The following CCDC141 variants were observed in gnomAD, a reference collection of about 807,000 sequenced individuals.
CCDC141 encodes coiled-coil domain containing 141, also known as coiled-coil domain-containing protein 141.
A neutral mutation model predicts 181.0 loss-of-function variants in CCDC141; 168 were observed. That is an observed-to-expected ratio of 0.93 (90% confidence interval 0.82 to 1.05). The LOEUF (loss-of-function observed/expected upper bound fraction) is 1.05, where lower values mean the gene tolerates loss of function less well. CCDC141 is among the 50% of genes least tolerant of loss of function. The pLI is 0.00. For missense variants in CCDC141, 1,902 were observed against 1,788.5 expected (o/e 1.06, Z -1.14); for synonymous variants, 666 against 642.3 (o/e 1.04, Z -0.56).
intron 5 of CCDC141, among the ~76,000 whole-genome samples, chr2:178,946,942 G>A (rs1347482966): frequency 2.6e-5 from 4 of 152,100 alleles, no homozygotes; most frequent in Admixed American, 6.5e-5. Context: ...GATGCACCCT[G>A]GAAAGAAACA....
chr2:179,037,817 G>A (rs1681505016), intron 2 of CCDC141, among the ~76,000 whole-genome samples: 1 of 152,140 alleles, frequency 6.6e-6, no homozygotes, highest in Non-Finnish European at 1.5e-5. Flanking sequence ...ACACCTAATA[G>A]GATGGCTATG....
intron 6 of CCDC141, 60 bp from the exon 7 acceptor site, chr2:178,918,967 GT>G (rs1688571821): frequency 7.0e-7 from 1 of 1,432,334 alleles, no homozygotes; most frequent in African/African-American, 1.4e-5. Context: ...GAATGCTTGT[GT>G]CCCCCCGAAA....
chr2:178,872,805 T>G, intron 12 of CCDC141, among the ~76,000 whole-genome samples: 1 of 152,202 alleles, frequency 6.6e-6, no homozygotes, highest in Non-Finnish European at 1.5e-5. Flanking sequence ...AAATGTCCTT[T>G]GCTGTTTCTC....
At chr2:178,867,893 C>CA in intron 16 of CCDC141, 133 bp downstream of exon 16, 1 of 695,800 alleles carries the variant, frequency 1.4e-6, no homozygotes, top group South Asian at 3.9e-5. Context: ...AAATGAATCA[C>CA]AAATAACTAC....
chr2:179,010,983 C>A (rs2042253388), intron 2 of CCDC141, among the ~76,000 whole-genome samples: 2 of 151,966 alleles, frequency 1.3e-5, no homozygotes, highest in African/African-American at 4.8e-5. Context: ...ATGGTGAAAC[C>A]CTGACTCTAC....
At chr2:179,042,027 G>A (rs760160374) in intron 2 of CCDC141, among the ~76,000 whole-genome samples, 1 of 151,930 alleles carries the variant, frequency 6.6e-6, no homozygotes, top group Non-Finnish European at 1.5e-5. Flanking sequence ...AAAGATATTC[G>A]GCTCAGATCC....
chr2:178,958,675 A>T (rs949751324), intron 5 of CCDC141, among the ~76,000 whole-genome samples: 1 of 149,510 alleles, frequency 6.7e-6, no homozygotes, highest in Non-Finnish European at 1.5e-5. Flanking sequence ...TAGAATGTTC[A>T]CTTTGAATCT....
chr2:178,971,159 G>A (rs1279739851), intron 4 of CCDC141, among the ~76,000 whole-genome samples: 3 of 152,100 alleles, frequency 2.0e-5, no homozygotes, highest in Admixed American at 2.0e-4. Flanking sequence ...AGTGATCTGA[G>A]ATTGCACCAC....
intron 4 of CCDC141, among the ~76,000 whole-genome samples, chr2:178,968,367 C>T (rs371686962): frequency 5.0e-4 from 76 of 152,164 alleles, no homozygotes; most frequent in East Asian, 3.1e-3. Flanking sequence ...TGCAAAAGAA[C>T]GGAAATCATA....
At chr2:178,928,174 A>C (rs1688978198) in intron 6 of CCDC141, among the ~76,000 whole-genome samples, 2 of 152,212 alleles carry the variant, frequency 1.3e-5, no homozygotes, top group Non-Finnish European at 2.9e-5. Context: ...GCTGAGTAGC[A>C]CAAGGACAGA....
intron 5 of CCDC141, among the ~76,000 whole-genome samples, chr2:178,954,505 A>G (rs1404290964): frequency 6.6e-6 from 1 of 152,228 alleles, no homozygotes; most frequent in Non-Finnish European, 1.5e-5. Flanking sequence ...GTGAATCCTA[A>G]GTCCCCATCA....
intron 19 of CCDC141, among the ~76,000 whole-genome samples, chr2:178,854,686 T>C (rs2154367488): frequency 6.6e-6 from 1 of 152,334 alleles, no homozygotes. Context: ...TGTAGAAGAC[T>C]GATCATTTTG....
rs371344310 is a variant in CCDC141 at position 178,867,982 on chromosome 2, C to T, written c.2574+44G>A. ...TTTCTTTCATATGCTAGCCCAAGCC[C>T]CAGCTAGAACTGAGTCTAAATGATA... On this transcript the variant is annotated intron_variant, in intron 16 of 23. Coordinates refer to ENST00000443758, the MANE Select transcript of CCDC141 (RefSeq NM_173648.4). 1.5e-5 allele frequency: 22 copies of T among 1,485,124 alleles called. No individual in the cohort carries two copies. The African/African-American group carries it at 2.6e-4, about 18-fold the overall frequency. The allele number at this position is 1,485,124 out of a possible 1,614,324, so 92.0% of individuals were successfully genotyped here. A position where few individuals can be genotyped will look rare whatever the true frequency, so the allele number is the denominator to read the frequency against.
intron 2 of CCDC141, among the ~76,000 whole-genome samples, chr2:178,988,331 A>T (rs1225966783): frequency 8.9e-5 from 6 of 67,482 alleles, no homozygotes; most frequent in African/African-American, 3.7e-4. Flanking sequence ...GGGTGGGGGG[A>T]GGGGGGAGGG....
chr2:178,910,337 A>G (rs543275395), intron 7 of CCDC141, among the ~76,000 whole-genome samples: 46 of 152,352 alleles, frequency 3.0e-4, no homozygotes, highest in African/African-American at 9.9e-4. Context: ...AAACACGAAC[A>G]ACAACAGAAA....
At chr2:178,945,837 C>A (rs578049416) in intron 5 of CCDC141, among the ~76,000 whole-genome samples, 1 of 126,086 alleles carries the variant, frequency 7.9e-6, no homozygotes, top group South Asian at 2.7e-4. Flanking sequence ...ACAATAAATG[C>A]ACATGACACA....
At chr2:178,855,279 C>T (rs1284082253) in intron 19 of CCDC141, 68 bp downstream of exon 19, 3 of 1,320,160 alleles carry the variant, frequency 2.3e-6, no homozygotes, top group Non-Finnish European at 2.1e-6. Context: ...TGCAACATTG[C>T]TTTAAAGTTG....
intron 2 of CCDC141, among the ~76,000 whole-genome samples, chr2:178,982,658 A>C (rs4577318): frequency 6.6e-6 from 1 of 152,158 alleles, no homozygotes; most frequent in African/African-American, 2.4e-5. Context: ...CTCGGGAAGC[A>C]CAAGGGGTCA....
At chr2:179,038,513 T>C (rs1218089225) in intron 2 of CCDC141, among the ~76,000 whole-genome samples, 2 of 152,206 alleles carry the variant, frequency 1.3e-5, no homozygotes, top group African/African-American at 2.4e-5. Flanking sequence ...TGGCAAATTA[T>C]ATGTTATGTA....
Sources: gnomAD v4.1 joint callset for allele counts (sites outside exome capture counted in the v4.1 genomes callset) on GRCh38, gnomAD v4.1.1 for gene constraint, MANE v1.5 for transcripts, NCBI Gene and HGNC (gene_info 2026-07-23, HGNC 2026-07-21) for gene names.